The following ABI1 variants were observed in gnomAD, a reference collection of about 807,000 sequenced individuals.
ABI1 encodes Abelson interactor 1.
In ABI1, 14 loss-of-function variants were observed where a neutral mutation model predicts 54.6. The observed-to-expected ratio is 0.26, with a 90% CI of 0.17 to 0.40. The LOEUF is 0.40. Ranked by LOEUF, ABI1 falls within the 10% of genes least tolerant of loss-of-function variation. The pLI is 1.00. For missense variants in ABI1, 443 were observed against 598.3 expected, an observed-to-expected ratio of 0.74 and a Z score of 2.71; for synonymous variants, 194 against 209.3, an observed-to-expected ratio of 0.93 and a Z score of 0.63.
At chr10:26,826,795 C>T (rs1323100030) in intron 1 of ABI1, among the ~76,000 whole-genome samples, 1 of 152,234 alleles carries the variant, frequency 6.6e-6, no homozygotes, top group Non-Finnish European at 1.5e-5. Context: ...CCGCTGGCTT[C>T]CAACTTTTCT....
chr10:26,859,279 C>T (rs1284524390), intron 1 of ABI1, among the ~76,000 whole-genome samples: 3 of 151,826 alleles, frequency 2.0e-5, no homozygotes, highest in African/African-American at 7.3e-5. Context: ...CCGAGTAGTG[C>T]TACTGAAGAT....
At position 26,746,964 on chromosome 10, in the gene ABI1, G is replaced by C. The variant is rs1564443862; in HGVS notation, c.*1606C>G. ...AGACAACAGGTTATATACAAATTAA[G>C]AGAACAATCCACTTGAAAAATGGAA... is the stretch of plus-strand genomic sequence containing the variant. On this transcript the variant is annotated 3_prime_UTR_variant, in exon 11 of 11. Coordinates refer to ENST00000376140, the MANE Select transcript of ABI1 (RefSeq NM_001012750.3). 1 of 230,032 alleles carries C rather than the reference G, an allele frequency of 4.3e-6. No homozygotes were observed. Among genetic ancestry groups the C allele is most frequent in the Non-Finnish European group, 8.7e-6 (1 of 115,460 alleles). The allele number at this position is 230,032 out of a possible 1,614,324, so 14.2% of individuals were successfully genotyped here.
intron 2 of ABI1, among the ~76,000 whole-genome samples, chr10:26,794,558 AC>A (rs748319514): frequency 6.6e-6 from 1 of 151,428 alleles, no homozygotes; most frequent in Non-Finnish European, 1.5e-5. Flanking sequence ...AAGTTACTTA[AC>A]CATCCTATGC....
At chr10:26,850,809 G>C (rs2050326702) in intron 1 of ABI1, among the ~76,000 whole-genome samples, 1 of 150,822 alleles carries the variant, frequency 6.6e-6, no homozygotes, top group Non-Finnish European at 1.5e-5. Context: ...GAGGGGTCAA[G>C]TAGGTTATTA....
chr10:26,768,937 C>A lies in ABI1; in HGVS notation c.634G>T (p.Asp212Tyr). The A allele has an allele frequency of 6.2e-7, 1 of 1,613,120 alleles. No homozygotes were observed. Among genetic ancestry groups the A allele is most frequent in the Non-Finnish European group, 8.5e-7 (1 of 1,179,338 alleles). The change falls in exon 6 of 11, where the codon GAC (aspartate) becomes TAC (tyrosine). Residue 212 changes from aspartate (D) to tyrosine (Y), a missense_variant. Physicochemically the swap from Asp to Tyr is radical, Grantham distance 160 (BLOSUM62 -3). Transcript: ENST00000376140. Reference protein sequence around the residue: ...EPVKPPTVPNDYMTSPARLGS... With the variant: ...EPVKPPTVPNYYMTSPARLGS... ...AGCCTAGCAGGACTGGTCATATAGTCATTAGGAACTGTTGGGGGTTTAACA... is the reference window on the plus strand; with the variant it reads ...AGCCTAGCAGGACTGGTCATATAGTAATTAGGAACTGTTGGGGGTTTAACA...
chr10:26,854,128 A>C (rs903502144), intron 1 of ABI1, among the ~76,000 whole-genome samples: 6 of 152,218 alleles, frequency 3.9e-5, no homozygotes, highest in African/African-American at 1.4e-4. Flanking sequence ...AGAACGCAGA[A>C]GCACACAAGA....
chr10:26,791,085 A>AC (rs1843381434), intron 2 of ABI1, among the ~76,000 whole-genome samples: 1 of 151,644 alleles, frequency 6.6e-6, no homozygotes, highest in Non-Finnish European at 1.5e-5. Context: ...AAAAAAAAAA[A>AC]AAAAAACAGA....
intron 9 of ABI1, among the ~76,000 whole-genome samples, chr10:26,752,409 T>C (rs190034324): frequency 4.6e-5 from 7 of 152,322 alleles, no homozygotes; most frequent in Admixed American, 2.6e-4. Context: ...CCCCAACCAG[T>C]AGAAAATCTA....
chr10:26,856,548 T>C (rs1372455383), intron 1 of ABI1, among the ~76,000 whole-genome samples: 1 of 150,392 alleles, frequency 6.6e-6, no homozygotes, highest in Admixed American at 6.6e-5. Context: ...GCTCAAAAAT[T>C]ACCCACCTTC....
chr10:26,860,936 A>C lies in ABI1; in HGVS notation c.-73T>G, dbSNP rs1221467445. On this transcript the variant is annotated 5_prime_UTR_variant, in exon 1 of 11. Transcript: ENST00000376140. The surrounding 1 kb of genome is among the most constrained non-coding windows in gnomAD (Gnocchi z 4.1). ...AGCAAGGTCCGCCGAGGCTCCGAGC[A>C]CCTCACAGCCCGGATACAAACCGCC... 7.2e-7 allele frequency: 1 copy of C among 1,382,342 alleles called. No individual in the cohort carries two copies. The highest frequency in any genetic ancestry group is 1.4e-5 in the African/African-American group (1 of 70,216). The allele number at this position is 1,382,342 out of a possible 1,614,324, so 85.6% of individuals were successfully genotyped here.
At chr10:26,795,122 C>A (rs144165069) in intron 2 of ABI1, among the ~76,000 whole-genome samples, 1 of 144,986 alleles carries the variant, frequency 6.9e-6, no homozygotes, top group African/African-American at 2.6e-5. Flanking sequence ...CCAGCCTGGG[C>A]GACAGAGCGA....
chr10:26,857,505 T>G (rs899426018), intron 1 of ABI1, among the ~76,000 whole-genome samples: 1 of 150,152 alleles, frequency 6.7e-6, no homozygotes, highest in African/African-American at 2.5e-5. Flanking sequence ...TAGCTGGGAG[T>G]GGTGGTGCGC....
intron 2 of ABI1, among the ~76,000 whole-genome samples, chr10:26,788,210 AAGGGC>A (rs1274737296): frequency 1.3e-5 from 2 of 152,134 alleles, no homozygotes; most frequent in Non-Finnish European, 2.9e-5. Flanking sequence ...GTCGTGTAAG[AAGGGC>A]ATTTTGCCTC....
At chr10:26,761,390 A>G (rs1261512999) in intron 7 of ABI1, among the ~76,000 whole-genome samples, 1 of 151,822 alleles carries the variant, frequency 6.6e-6, no homozygotes, top group Non-Finnish European at 1.5e-5. Flanking sequence ...TTAACATTTT[A>G]TCATAAAATA....
intron 3 of ABI1, among the ~76,000 whole-genome samples, chr10:26,775,911 C>T (rs551610388): frequency 6.6e-5 from 10 of 152,250 alleles, no homozygotes; most frequent in African/African-American, 2.2e-4. Context: ...TACATGCATG[C>T]ATGAATATAT....
chr10:26,815,318 C>A lies in ABI1; in HGVS notation c.285+7820G>T, dbSNP rs2047492444. ...TACAAAAGCTTCATTTACCTAGTCA[C>A]CTTAATTTTTTTATGATTCAGTAAG... On this transcript the variant is annotated intron_variant, in intron 2 of 10. Transcript: ENST00000376140. Among the ~76,000 whole-genome samples the A allele has an allele frequency of 1.3e-5, 2 of 151,984 alleles. 1 individual carries two copies. The highest frequency in any genetic ancestry group is 1.3e-4 in the Admixed American group (2 of 15,258).
intron 2 of ABI1, among the ~76,000 whole-genome samples, chr10:26,816,860 T>A (rs963195420): frequency 6.6e-6 from 1 of 152,198 alleles, no homozygotes; most frequent in African/African-American, 2.4e-5. Flanking sequence ...TAATCTCCAA[T>A]AACCATGCAA....
At chr10:26,853,117 C>A (rs930347919) in intron 1 of ABI1, among the ~76,000 whole-genome samples, 5 of 151,576 alleles carry the variant, frequency 3.3e-5, no homozygotes, top group Non-Finnish European at 7.4e-5. Flanking sequence ...AAAATGACCA[C>A]GTCAACTATT....
At chr10:26,858,735 TA>T (rs762228365) in intron 1 of ABI1, among the ~76,000 whole-genome samples, 4 of 149,384 alleles carry the variant, frequency 2.7e-5, no homozygotes, top group East Asian at 1.9e-4. Context: ...CAGAGAGGGG[TA>T]AAAAAAAAGC....
Sources: gnomAD v4.1 joint callset for allele counts (sites outside exome capture counted in the v4.1 genomes callset) on GRCh38, gnomAD v4.1.1 for gene constraint, Gnocchi (gnomAD v3.1) non-coding constraint, MANE v1.5 for transcripts, NCBI Gene and HGNC (gene_info 2026-07-23, HGNC 2026-07-21) for gene names.